The following SH3KBP1 variants were observed in gnomAD, a reference collection of about 807,000 sequenced individuals.
The protein encoded by SH3KBP1 is SH3 domain-containing kinase-binding protein 1.
Under a neutral mutation model 50.1 loss-of-function variants are expected in SH3KBP1, and 8 were observed. The ratio of observed to expected loss-of-function variants is 0.16; its 90% CI spans 0.09 to 0.29. The LOEUF is 0.29. Among genes scored for constraint, SH3KBP1 ranks in the 10% least tolerant of loss-of-function variants. SH3KBP1 has a pLI of 1.00. For synonymous variants in SH3KBP1, 227 were observed against 218.6 expected, an observed-to-expected ratio of 1.04 and a Z score of -0.34; for missense variants, 377 against 535.2, an observed-to-expected ratio of 0.70 and a Z score of 2.92.
chrX:19,856,663 C>G (rs2068651382), intron 1 of SH3KBP1, among the ~76,000 whole-genome samples: 1 of 110,950 alleles, frequency 9.0e-6, no homozygotes. Context: ...ACTTCCCCTC[C>G]CCAGAGGCAA....
At chrX:19,731,128 G>A (rs1365638185) in intron 3 of SH3KBP1, among the ~76,000 whole-genome samples, 2 of 110,818 alleles carry the variant, frequency 1.8e-5, no homozygotes, top group African/African-American at 3.3e-5. Context: ...TAGTAGAGAC[G>A]GGGTTTCACC....
intron 9 of SH3KBP1, among the ~76,000 whole-genome samples, chrX:19,603,494 C>T (rs1291738988): frequency 1.8e-5 from 2 of 111,999 alleles, no homozygotes; most frequent in Non-Finnish European, 3.8e-5. Context: ...GGGACATCTT[C>T]GAGGGCAGGT....
At chrX:19,847,386 C>T (rs1198668919) in intron 1 of SH3KBP1, among the ~76,000 whole-genome samples, 1 of 111,443 alleles carries the variant, frequency 9.0e-6, no homozygotes, top group Admixed American at 9.6e-5. Flanking sequence ...TGCTTGGCCC[C>T]GTCAGGCACT....
chrX:19,547,294 T>C (rs1197680095), intron 14 of SH3KBP1, among the ~76,000 whole-genome samples: 2 of 111,970 alleles, frequency 1.8e-5, no homozygotes, highest in Non-Finnish European at 3.8e-5. Context: ...TAATGAAGAA[T>C]CTTCCACAGA....
At chrX:19,742,563 TTTTG>T (rs202018961) in intron 3 of SH3KBP1, among the ~76,000 whole-genome samples, 2,013 of 111,159 alleles carry the variant, frequency 0.018, 41 homozygotes, top group African/African-American at 0.055. Context: ...AATGCGTTTT[TTTTG>T]TTTGTTTGTT....
In SH3KBP1 at chrX:19,873,303, TATATATATAC is replaced by T. The variant is rs1569493069; in HGVS notation, c.4+13994_4+14003del. Among the ~76,000 whole-genome samples the T allele has an allele frequency of 7.3e-3, 729 of 100,326 alleles. 13 individuals carry two copies. Among genetic ancestry groups the T allele is most frequent in the African/African-American group, 0.026 (695 of 26,596 alleles). The allele number at this position is 100,326 out of a possible 115,157, so 87.1% of individuals were successfully genotyped here. ...ATATATATATATGTATATATATATA[TATATATATAC>T]ATATACATATATATACATGTATATA... On this transcript the variant is annotated intron_variant, in intron 1 of 17. Transcript: ENST00000397821.
At chrX:19,721,571 G>T (rs911377903) in intron 3 of SH3KBP1, among the ~76,000 whole-genome samples, 6 of 111,747 alleles carry the variant, frequency 5.4e-5, no homozygotes, top group African/African-American at 2.0e-4. Flanking sequence ...GGTTTCCTTT[G>T]TAATTCTTTG....
intron 3 of SH3KBP1, among the ~76,000 whole-genome samples, chrX:19,726,247 C>T (rs989717972): frequency 9.0e-6 from 1 of 111,552 alleles, no homozygotes; most frequent in Admixed American, 9.5e-5. Flanking sequence ...TTGGCAGAGG[C>T]GGCATGGAGG....
chrX:19,764,804 C>A (rs1444663462), intron 2 of SH3KBP1, among the ~76,000 whole-genome samples: 1 of 105,738 alleles, frequency 9.5e-6, no homozygotes, highest in Non-Finnish European at 1.9e-5. Context: ...AGTGGACATG[C>A]GCTCCAACTC....
intron 2 of SH3KBP1, among the ~76,000 whole-genome samples, chrX:19,756,557 GATAA>G (rs1036903269): frequency 9.1e-6 from 1 of 110,309 alleles, no homozygotes; most frequent in Non-Finnish European, 1.9e-5. Flanking sequence ...AGTATAAATT[GATAA>G]ATAAATTTGT....
intron 1 of SH3KBP1, among the ~76,000 whole-genome samples, chrX:19,846,917 G>A (rs1258900024): frequency 9.0e-6 from 1 of 111,555 alleles, no homozygotes; most frequent in African/African-American, 3.3e-5. Flanking sequence ...TAAGGGGGCA[G>A]GTTGGCTTTA....
At chrX:19,653,226 T>C (rs945989834) in intron 6 of SH3KBP1, among the ~76,000 whole-genome samples, 1 of 111,635 alleles carries the variant, frequency 9.0e-6, no homozygotes, top group African/African-American at 3.3e-5. Context: ...GCTCAAGCGA[T>C]CCTCCTGCCT....
chrX:19,788,073 G>A (rs2066404283), intron 2 of SH3KBP1, among the ~76,000 whole-genome samples: 1 of 110,424 alleles, frequency 9.1e-6, no homozygotes, highest in Admixed American at 9.7e-5. Context: ...GGTCATTTGA[G>A]TGGCGCTAAT....
chrX:19,794,230 C>CAAA (rs1218495525), intron 2 of SH3KBP1, among the ~76,000 whole-genome samples: 133 of 27,227 alleles, frequency 4.9e-3, no homozygotes, highest in African/African-American at 0.012. Context: ...CCTGTCTCTA[C>CAAA]AAAAAAAAAA....
chrX:19,608,039 T>C lies in SH3KBP1; in HGVS notation c.904A>G (p.Ile302Val), dbSNP rs773077801. The C allele has an allele frequency of 1.7e-6, 2 of 1,208,550 alleles. No homozygotes were observed. Among genetic ancestry groups the C allele is most frequent in the Admixed American group, 2.2e-5 (1 of 45,975 alleles). ...DIVTLINKDC[I>V]DVGWWEGELN... ...TCTCCTTCCCACCAGCCTACGTCGA[T>C]GCAGTCCTAGAAAACAGGAGAACAG... The change falls in exon 9 of 18, where the codon ATC (isoleucine) becomes GTC (valine). Residue 302 changes from isoleucine (I) to valine (V), a missense_variant. By Grantham distance (29) the Ile-to-Val change is conservative. This residue lies in a region of SH3KBP1 where 257 missense variants were observed against 374.2 expected (regional missense o/e 0.69). Transcript: ENST00000397821.
intron 2 of SH3KBP1, among the ~76,000 whole-genome samples, chrX:19,829,081 C>A (rs930257408): frequency 8.9e-6 from 1 of 112,105 alleles, no homozygotes; most frequent in African/African-American, 3.2e-5. Context: ...TACATGTGTG[C>A]ATATGCAAGA....
chrX:19,881,436 G>A (rs2069430233), intron 1 of SH3KBP1, among the ~76,000 whole-genome samples: 1 of 112,131 alleles, frequency 8.9e-6, no homozygotes. Context: ...GCATTACAGA[G>A]GAGAAATGCT....
intron 6 of SH3KBP1, among the ~76,000 whole-genome samples, chrX:19,667,812 AT>A (rs779927127): frequency 0.15 from 8,471 of 55,787 alleles, 935 homozygotes; most frequent in African/African-American, 0.35. Flanking sequence ...TTCTGTTGGG[AT>A]TTTTTTTTTT....
chrX:19,858,226 G>A (rs775182620), intron 1 of SH3KBP1, among the ~76,000 whole-genome samples: 1 of 111,354 alleles, frequency 9.0e-6, no homozygotes, highest in South Asian at 3.7e-4. Flanking sequence ...TAAAAAGGAA[G>A]AGGTTGCTTT....
Sources: allele counts gnomAD v4.1 joint callset (sites outside exome capture counted in the v4.1 genomes callset), GRCh38; gene constraint gnomAD v4.1.1; regional missense constraint gnomAD v4.1.1; transcripts MANE v1.5; gene names NCBI Gene and HGNC (gene_info 2026-07-23, HGNC 2026-07-21).